DBF4B: variants seen among roughly 807,000 people sequenced by gnomAD.
The protein encoded by DBF4B is protein DBF4 homolog B.
A neutral mutation model predicts 53.4 loss-of-function variants in DBF4B; 49 were observed. That is an observed-to-expected ratio of 0.92 (90% CI 0.73 to 1.16). The LOEUF (loss-of-function observed/expected upper bound fraction) is 1.16. Among genes scored for constraint, DBF4B ranks in the 50% most tolerant of loss-of-function variants. DBF4B has a pLI of 0.00. For synonymous variants in DBF4B, 257 were observed against 288.7 expected (o/e 0.89, Z 1.11); for missense variants, 692 against 775.0 (o/e 0.89, Z 1.27).
chr17:44,751,051 C>T lies in DBF4B; in HGVS notation c.1646C>T (p.Thr549Ile). ...CTTGGATACCTTTACCTGCTGCTCA[C>T]ACAAAGCCTGTGGTGCCGGGTTCGG... ...LRLGYLYLLL[T>I]QSLWCRVRVP... The change falls in exon 14 of 14, where the codon ACA becomes ATA. Residue 549 changes from threonine to isoleucine, a missense_variant. Thr to Ile is a moderately conservative substitution (Grantham distance 89). Around this residue, in one of 3 missense-constraint regions of DBF4B, gnomAD observed 597 missense variants for 665.8 expected, o/e 0.90. Transcript: ENST00000315005. 6.2e-7 allele frequency: 1 copy of T among 1,614,186 alleles called. No individual in the cohort carries two copies. Among genetic ancestry groups the T allele is most frequent in the Non-Finnish European group, 8.5e-7 (1 of 1,180,034 alleles).
At position 44,708,832 on chromosome 17, in the gene DBF4B, G is replaced by C; in HGVS notation, c.12G>C (p.Pro4=). Residue 4 remains proline (P), a synonymous_variant, in exon 1 of 14, where the codon CCG becomes CCC. Coordinates refer to ENST00000315005, the MANE Select transcript of DBF4B (RefSeq NM_145663.3). ...GGAGCCGGCATTTGATGAGCGAACC[G>C]GGAAAGGGTACGGATGCCGGGAAGG... MSE[P]GKGDDCLELE... 1 of 1,551,474 alleles carries C rather than the reference G, an allele frequency of 6.4e-7. No individual in the cohort carries two copies. The highest frequency in any genetic ancestry group is 2.4e-5 in the East Asian group (1 of 40,946).
Position 44,747,527 on chromosome 17 carries a change from G to T in DBF4B, c.1064+12G>T. The T allele has an allele frequency of 3.7e-6, 6 of 1,613,082 alleles. No individual in the cohort carries two copies. The highest frequency in any genetic ancestry group is 5.1e-6 in the Non-Finnish European group (6 of 1,179,926). On this transcript the variant is annotated intron_variant, in intron 12 of 13. Coordinates refer to ENST00000315005, the MANE Select transcript of DBF4B (RefSeq NM_145663.3). ...GCTGGCCTCCCCAGGTGAGTGCCACGCTGGCAGGCACAACTGTGTCTGCTC... is the reference window on the plus strand; with the variant it reads ...GCTGGCCTCCCCAGGTGAGTGCCACTCTGGCAGGCACAACTGTGTCTGCTC...
chr17:44,738,942 T>G (rs1373038415), intron 9 of DBF4B, among the ~76,000 whole-genome samples: 1 of 152,232 alleles, frequency 6.6e-6, no homozygotes, highest in Non-Finnish European at 1.5e-5. Context: ...TGTTACCTCC[T>G]GACAGCCCTG....
chr17:44,736,923 C>T (rs998630838), intron 8 of DBF4B, 57 bp downstream of exon 8: 53 of 1,582,582 alleles, frequency 3.3e-5, no homozygotes, highest in Non-Finnish European at 4.3e-5. Context: ...TAAACACTTC[C>T]CCACGACTCC....
chr17:44,740,371 G>T (rs550214895), intron 9 of DBF4B, among the ~76,000 whole-genome samples: 1 of 152,228 alleles, frequency 6.6e-6, no homozygotes, highest in South Asian at 2.1e-4. Flanking sequence ...ACCTCACTTG[G>T]CAGGGTTTGC....
At chr17:44,717,433 G>T (rs952458235) in intron 2 of DBF4B, among the ~76,000 whole-genome samples, 1 of 152,128 alleles carries the variant, frequency 6.6e-6, no homozygotes. Context: ...CAGGCTGGGC[G>T]TGGTGGCTCA....
chr17:44,749,127 G>T lies in DBF4B; in HGVS notation c.1189+662G>T. ...ACTCAGCTACCAGTGTGCAGCCCTC[G>T]GGAGCACCTGTAGAGAGCAGGTCTA... is the stretch of plus-strand genomic sequence containing the variant. On this transcript the variant is annotated intron_variant, in intron 13 of 13. Transcript: ENST00000315005. The surrounding 1 kb of genome is among the most constrained non-coding windows in gnomAD (Gnocchi z 4.4). The T allele has an allele frequency of 1.6e-6, 2 of 1,289,632 alleles. No homozygotes were observed. The highest frequency in any genetic ancestry group is 2.0e-6 in the Non-Finnish European group (2 of 988,796). 79.9% of individuals were successfully genotyped at this position (1,289,632 alleles called of 1,614,324 possible). A position where few individuals can be genotyped will look rare whatever the true frequency, so the allele number is the denominator to read the frequency against.
chr17:44,748,916 A>T (rs2049190241), intron 13 of DBF4B: 1 of 1,289,486 alleles, frequency 7.8e-7, no homozygotes, highest in Admixed American at 2.3e-5. Context: ...TCTCTCCCAG[A>T]CCCCTTCCCC....
chr17:44,747,119 T>G lies in DBF4B; in HGVS notation c.867T>G (p.Ala289=). The change falls in exon 11 of 14, where the codon GCT becomes GCG. Residue 289 remains alanine (A), a synonymous_variant. Coordinates refer to ENST00000315005, the MANE Select transcript of DBF4B (RefSeq NM_145663.3). ...SKDGEPSPRS[A]AHTMPRRKKG... is the part of the protein sequence containing the mutation. The stretch of plus-strand genomic sequence containing the variant: ...ATGGAGAGCCAAGCCCACGATCAGC[T>G]GCCCACACCATGCCCAGGAGGAAGA... 6.2e-7 allele frequency: 1 copy of G among 1,614,174 alleles called. No individual in the cohort carries two copies. Among genetic ancestry groups the G allele is most frequent in the Non-Finnish European group, 8.5e-7 (1 of 1,180,024 alleles).
intron 10 of DBF4B, among the ~76,000 whole-genome samples, chr17:44,746,690 G>T (rs961860708): frequency 6.6e-6 from 1 of 151,922 alleles, no homozygotes; most frequent in Admixed American, 6.6e-5. Context: ...ATTGTGGCGG[G>T]CGCCTGTAAT....
chr17:44,739,908 G>T lies in DBF4B; in HGVS notation c.714-1428G>T, dbSNP rs572503001. ...GCCTCCCGAGTAGCTGGGACTAAAGGTGTTCACCACCACGCCCAGCTAATT... is the reference window on the plus strand; with the variant it reads ...GCCTCCCGAGTAGCTGGGACTAAAGTTGTTCACCACCACGCCCAGCTAATT... On this transcript the variant is annotated intron_variant, in intron 9 of 13. Coordinates refer to ENST00000315005, the MANE Select transcript of DBF4B (RefSeq NM_145663.3). Among the ~76,000 whole-genome samples, 94 of 152,282 alleles carry T rather than the reference G, an allele frequency of 6.2e-4. 1 individual carries two copies. Among genetic ancestry groups the T allele is most frequent in the South Asian group, 1.9e-3 (9 of 4,830 alleles).
intron 9 of DBF4B, among the ~76,000 whole-genome samples, chr17:44,740,724 T>G (rs1425646975): frequency 1.3e-5 from 2 of 152,246 alleles, no homozygotes; most frequent in Non-Finnish European, 2.9e-5. Context: ...CTTAACTATT[T>G]GTGAGCCCTT....
intron 3 of DBF4B, 73 bp from the exon 4 acceptor site, chr17:44,729,829 CCTT>C: frequency 2.6e-6 from 4 of 1,510,052 alleles, no homozygotes; most frequent in Non-Finnish European, 8.9e-7. Flanking sequence ...GCCAAGATTT[CCTT>C]CTCCAGCCTC....
At chr17:44,708,938 G>A (rs1242067595) in intron 1 of DBF4B, 99 bp downstream of exon 1, 4 of 1,493,462 alleles carry the variant, frequency 2.7e-6, no homozygotes, top group Non-Finnish European at 3.6e-6. Context: ...GTGACCAGCG[G>A]GTAGGTGCCG....
intron 13 of DBF4B, chr17:44,748,725 C>T: frequency 7.2e-7 from 1 of 1,379,346 alleles, no homozygotes; most frequent in African/African-American, 1.4e-5. Flanking sequence ...TCCCCAGTGG[C>T]AGTGCTAAGA....
At chr17:44,716,584 G>A (rs1165027134) in intron 2 of DBF4B, among the ~76,000 whole-genome samples, 4 of 152,082 alleles carry the variant, frequency 2.6e-5, no homozygotes, top group African/African-American at 4.8e-5. Flanking sequence ...AAGATACTAA[G>A]TGGCATCCCT....
chr17:44,732,347 C>G, intron 6 of DBF4B, 82 bp downstream of exon 6: 1 of 1,438,302 alleles, frequency 7.0e-7, no homozygotes, highest in East Asian at 2.3e-5. Flanking sequence ...GGATCATGGT[C>G]ATGTGAGCTT....
intron 2 of DBF4B, among the ~76,000 whole-genome samples, chr17:44,719,529 A>G (rs1973642369): frequency 1.3e-5 from 2 of 152,222 alleles, no homozygotes; most frequent in South Asian, 2.1e-4. Context: ...TCATATAAAT[A>G]GAGTCATAAA....
Position 44,730,004 on chromosome 17 carries a change from A to G in DBF4B, c.325A>G (p.Ser109Gly). 1 of 1,613,832 alleles carries G rather than the reference A, an allele frequency of 6.2e-7. No individual in the cohort carries two copies. The highest frequency in any genetic ancestry group is 8.5e-7 in the Non-Finnish European group (1 of 1,180,028). Residue 109 changes from serine to glycine, a missense_variant, in exon 4 of 14, where the codon AGC becomes GGC. Around this residue, in one of 3 missense-constraint regions of DBF4B, gnomAD observed 597 missense variants for 665.8 expected, o/e 0.90. Coordinates refer to ENST00000315005, the MANE Select transcript of DBF4B (RefSeq NM_145663.3). Reference sequence around the variant, plus strand: ...TGGGAAAAGCCATAGAGGCTGCCCTAGCCCTAGCCCCAGTGAGGTCAGAGT... The same window carrying G: ...TGGGAAAAGCCATAGAGGCTGCCCTGGCCCTAGCCCCAGTGAGGTCAGAGT... ...SSGKSHRGCP[S>G]PSPSEVRVET... is the part of the protein sequence containing the mutation.
Sources: gnomAD v4.1 joint callset for allele counts (sites outside exome capture counted in the v4.1 genomes callset) on GRCh38, gnomAD v4.1.1 for gene constraint, gnomAD v4.1.1 regional missense constraint, Gnocchi (gnomAD v3.1) non-coding constraint, MANE v1.5 for transcripts, NCBI Gene and HGNC (gene_info 2026-07-23, HGNC 2026-07-21) for gene names.